Variants in CTCF observed in about 807,000 individuals in gnomAD.
CTCF encodes CCCTC-binding factor.
Under a neutral mutation model 72.3 loss-of-function variants are expected in CTCF, and 7 were observed. The observed-to-expected ratio is 0.10, with a 90% CI of 0.06 to 0.18. The LOEUF (loss-of-function observed/expected upper bound fraction) is 0.18, where lower values mean the gene tolerates loss of function less well. Among genes scored for constraint, CTCF ranks in the 10% least tolerant of loss-of-function variants. The pLI is 1.00. For missense variants in CTCF, 516 were observed against 949.1 expected (o/e 0.54, Z 6.00); for synonymous variants, 374 against 315.8 (o/e 1.18, Z -1.95).
At chr16:67,626,144 A>C (rs2052284025) in intron 7 of CTCF, among the ~76,000 whole-genome samples, 1 of 152,036 alleles carries the variant, frequency 6.6e-6, no homozygotes, top group Admixed American at 6.6e-5. Context: ...AATACTTAAG[A>C]ATCAGGAGAA....
At chr16:67,578,139 A>ACC (rs1194763152) in intron 2 of CTCF, among the ~76,000 whole-genome samples, 1 of 152,062 alleles carries the variant, frequency 6.6e-6, no homozygotes, top group Non-Finnish European at 1.5e-5. Context: ...TTCTGTAACC[A>ACC]CCACATTTAA....
At chr16:67,606,233 T>G (rs1208639303) in intron 2 of CTCF, among the ~76,000 whole-genome samples, 1 of 152,172 alleles carries the variant, frequency 6.6e-6, no homozygotes, top group Non-Finnish European at 1.5e-5. Flanking sequence ...CACATGTATT[T>G]ATTGTACCCA....
intron 10 of CTCF, among the ~76,000 whole-genome samples, chr16:67,631,365 A>C (rs1177776942): frequency 6.6e-6 from 1 of 151,640 alleles, no homozygotes; most frequent in East Asian, 1.9e-4. Context: ...GGGTTTCACC[A>C]TGTTGGCCAG....
chr16:67,617,368 AG>A (rs1386864431), intron 5 of CTCF, among the ~76,000 whole-genome samples: 7 of 152,060 alleles, frequency 4.6e-5, no homozygotes, highest in African/African-American at 1.4e-4. Context: ...GTGTGGTGGC[AG>A]GCACCTATAG....
Position 67,611,416 on chromosome 16 carries a change from C to G in CTCF, c.584C>G (p.Pro195Arg). 1 of 1,614,060 alleles carries G rather than the reference C, an allele frequency of 6.2e-7. No individual in the cohort carries two copies. Among genetic ancestry groups the G allele is most frequent in the Non-Finnish European group, 8.5e-7 (1 of 1,179,998 alleles). The change falls in exon 3 of 12, where the codon CCA (proline) becomes CGA (arginine). Residue 195 changes from proline to arginine, a missense_variant. Physicochemically the swap from Pro to Arg is moderately radical, Grantham distance 103. This residue lies in a region of CTCF where 53 missense variants were observed against 63.6 expected (regional missense o/e 0.83). Transcript: ENST00000264010. ...GAAGATCCTAGTTGGCAAAAAGACC[C>G]AGACTATCAGCCACCAGCCAAAAAA... ...PQEDPSWQKD[P>R]DYQPPAKKTK...
chr16:67,607,328 C>G (rs2142810505), intron 2 of CTCF, among the ~76,000 whole-genome samples: 1 of 151,266 alleles, frequency 6.6e-6, no homozygotes, highest in African/African-American at 2.4e-5. Context: ...GTTTTTGAGA[C>G]CGAGTCTCAC....
At chr16:67,576,501 T>C (rs1382382768) in intron 2 of CTCF, among the ~76,000 whole-genome samples, 1 of 151,928 alleles carries the variant, frequency 6.6e-6, no homozygotes, top group Non-Finnish European at 1.5e-5. Flanking sequence ...TATAAAAATA[T>C]TTAACAATAG....
intron 2 of CTCF, among the ~76,000 whole-genome samples, chr16:67,596,991 A>G (rs548661473): frequency 6.6e-6 from 1 of 152,196 alleles, no homozygotes; most frequent in African/African-American, 2.4e-5. Flanking sequence ...ATTTTTAGAA[A>G]GCTGTTCACC....
At chr16:67,597,825 A>G (rs938966748) in intron 2 of CTCF, among the ~76,000 whole-genome samples, 2 of 152,092 alleles carry the variant, frequency 1.3e-5, no homozygotes, top group Admixed American at 1.3e-4. Flanking sequence ...TTCTGTTTAA[A>G]TTGTCTGCCT....
At chr16:67,628,871 T>A (rs1184407784) in intron 9 of CTCF, among the ~76,000 whole-genome samples, 1 of 152,110 alleles carries the variant, frequency 6.6e-6, no homozygotes, top group Non-Finnish European at 1.5e-5. Flanking sequence ...CCATCCTGGC[T>A]AACATGGTGA....
intron 1 of CTCF, chr16:67,568,396 TC>T (rs2051369843): frequency 6.6e-6 from 1 of 151,250 alleles, no homozygotes; most frequent in East Asian, 1.9e-4. Flanking sequence ...TTGTTGTTGT[TC>T]TTCTTCCCTG....
At chr16:67,584,420 A>C (rs1284993831) in intron 2 of CTCF, among the ~76,000 whole-genome samples, 1 of 136,342 alleles carries the variant, frequency 7.3e-6, no homozygotes, top group Non-Finnish European at 1.5e-5. Context: ...GGCTCACCGC[A>C]ACCTCTGCCC....
intron 2 of CTCF, among the ~76,000 whole-genome samples, chr16:67,601,569 C>G (rs2051892669): frequency 6.6e-6 from 1 of 151,980 alleles, no homozygotes; most frequent in Non-Finnish European, 1.5e-5. Context: ...GTCTCGATCT[C>G]CTGACCTCGG....
At chr16:67,577,765 G>A (rs1178455378) in intron 2 of CTCF, among the ~76,000 whole-genome samples, 1 of 152,058 alleles carries the variant, frequency 6.6e-6, no homozygotes, top group African/African-American at 2.4e-5. Flanking sequence ...CTTCTTGAGT[G>A]GAATCGAGAG....
intron 2 of CTCF, among the ~76,000 whole-genome samples, chr16:67,591,072 C>G (rs1020426803): frequency 7.9e-5 from 12 of 151,402 alleles, no homozygotes; most frequent in African/African-American, 2.7e-4. Context: ...GCGGGCAGAT[C>G]ACTTGAGGTC....
intron 11 of CTCF, 144 bp downstream of exon 11, chr16:67,636,995 G>A: frequency 1.4e-6 from 1 of 715,366 alleles, no homozygotes; most frequent in Non-Finnish European, 2.1e-6. Flanking sequence ...TCAGGAAATG[G>A]CTTTTTAGGA....
rs185328293 is a variant in CTCF at position 67,638,982 on chromosome 16, A to G, written c.*1110A>G. On this transcript the variant is annotated 3_prime_UTR_variant, in exon 12 of 12. Transcript: ENST00000264010. ...TTTCAAACACTTTTTTCTTCTGTGTATTGCTTTTAAGAGAGCCATCAGTTA... is the reference window on the plus strand; with the variant it reads ...TTTCAAACACTTTTTTCTTCTGTGTGTTGCTTTTAAGAGAGCCATCAGTTA... The G allele has an allele frequency of 7.7e-4, 156 of 202,346 alleles. No individual in the cohort carries two copies. Among genetic ancestry groups the G allele is most frequent in the Admixed American group, 5.7e-3 (96 of 16,698 alleles). 12.5% of individuals were successfully genotyped at this position (202,346 alleles called of 1,614,324 possible). A position where few individuals can be genotyped will look rare whatever the true frequency, so the allele number is the denominator to read the frequency against.
chr16:67,585,987 C>T (rs1567597298), intron 2 of CTCF, among the ~76,000 whole-genome samples: 1 of 152,176 alleles, frequency 6.6e-6, no homozygotes, highest in South Asian at 2.1e-4. Flanking sequence ...ACCCTACCCC[C>T]ATGCAATTTC....
chr16:67,618,776 G>C (rs2052165167), intron 5 of CTCF, among the ~76,000 whole-genome samples: 1 of 151,998 alleles, frequency 6.6e-6, no homozygotes, highest in Non-Finnish European at 1.5e-5. Flanking sequence ...AATAACTGAG[G>C]GATAAACTGA....
Sources: allele counts gnomAD v4.1 joint callset (sites outside exome capture counted in the v4.1 genomes callset), GRCh38; gene constraint gnomAD v4.1.1; regional missense constraint gnomAD v4.1.1; transcripts MANE v1.5; gene names NCBI Gene and HGNC (gene_info 2026-07-23, HGNC 2026-07-21).